CDH12: variants seen among roughly 807,000 people sequenced by gnomAD.
CDH12 encodes the protein cadherin-12.
CDH12 carries 41 observed loss-of-function variants against 74.1 expected under a neutral mutation model. The ratio of observed to expected loss-of-function variants is 0.55; its 90% CI spans 0.43 to 0.72. CDH12 has a LOEUF of 0.72. Ranked by LOEUF, CDH12 falls within the 30% of genes least tolerant of loss-of-function variation. The pLI is 0.00. For missense variants in CDH12, 945 were observed against 977.2 expected, an observed-to-expected ratio of 0.97 and a Z score of 0.44; for synonymous variants, 399 against 355.0, an observed-to-expected ratio of 1.12 and a Z score of -1.39.
At chr5:21,801,030 A>G (rs1747083128) in intron 10 of CDH12, among the ~76,000 whole-genome samples, 1 of 152,200 alleles carries the variant, frequency 6.6e-6, no homozygotes, top group Admixed American at 6.5e-5. Context: ...ACGAACTAAT[A>G]CATCCAGTAT....
intron 3 of CDH12, among the ~76,000 whole-genome samples, chr5:22,331,428 G>C (rs1739347601): frequency 1.3e-5 from 2 of 152,148 alleles, no homozygotes; most frequent in South Asian, 4.1e-4. Flanking sequence ...GTCTCTGCCT[G>C]GTAATCCATG....
chr5:22,239,796 G>C (rs1752684818), intron 3 of CDH12, among the ~76,000 whole-genome samples: 1 of 152,174 alleles, frequency 6.6e-6, no homozygotes, highest in African/African-American at 2.4e-5. Context: ...TGTTGAGCTA[G>C]TTGGTATAAG....
chr5:22,620,246 T>C (rs1737906004), intron 1 of CDH12, among the ~76,000 whole-genome samples: 1 of 152,018 alleles, frequency 6.6e-6, no homozygotes, highest in Non-Finnish European at 1.5e-5. Flanking sequence ...ATATTAAATA[T>C]TGAAATATAA....
intron 1 of CDH12, among the ~76,000 whole-genome samples, chr5:22,652,061 A>T (rs925212270): frequency 2.0e-5 from 3 of 152,138 alleles, no homozygotes; most frequent in African/African-American, 7.2e-5. Context: ...TACTTCTAGG[A>T]TAGAATTCAT....
At chr5:21,945,984 GAAA>G (rs59874050) in intron 6 of CDH12, among the ~76,000 whole-genome samples, 9 of 146,590 alleles carry the variant, frequency 6.1e-5, no homozygotes, top group African/African-American at 2.2e-4. Context: ...TTCTGGAAAT[GAAA>G]AAAAAAAATT....
At chr5:21,906,392 A>G (rs772342822) in intron 6 of CDH12, among the ~76,000 whole-genome samples, 14 of 152,174 alleles carry the variant, frequency 9.2e-5, no homozygotes, top group Non-Finnish European at 1.9e-4. Context: ...ATATAGCAAC[A>G]CCTTATTAGC....
In CDH12 at chr5:22,110,406, G is replaced by C. The variant is rs79686212; in HGVS notation, c.-186-31544C>G. Among the ~76,000 whole-genome samples the C allele has an allele frequency of 5.3e-3, 800 of 152,002 alleles. 7 individuals carry two copies. Among genetic ancestry groups the C allele is most frequent in the African/African-American group, 0.018 (754 of 41,460 alleles). On this transcript the variant is annotated intron_variant, in intron 4 of 14. Coordinates refer to ENST00000382254, the MANE Select transcript of CDH12 (RefSeq NM_004061.5). Reference sequence around the variant, plus strand: ...CCAGGTACGCTACATGGGAGACAGGGGTAGTACTCAAATCAATCTCCCCAA... The same window carrying C: ...CCAGGTACGCTACATGGGAGACAGGCGTAGTACTCAAATCAATCTCCCCAA...
intron 11 of CDH12, 49 bp downstream of exon 11, chr5:21,783,309 A>C: frequency 6.5e-7 from 1 of 1,547,438 alleles, no homozygotes; most frequent in Non-Finnish European, 8.8e-7. Flanking sequence ...AAGAGTCTTA[A>C]ATCCAAAGAA....
chr5:21,918,397 G>A (rs1311464669), intron 6 of CDH12, among the ~76,000 whole-genome samples: 2 of 151,466 alleles, frequency 1.3e-5, no homozygotes, highest in Non-Finnish European at 2.9e-5. Flanking sequence ...TTTCAGCAAA[G>A]CATTTGTATT....
chr5:22,610,003 C>T (rs1372444023), intron 1 of CDH12, among the ~76,000 whole-genome samples: 1 of 152,260 alleles, frequency 6.6e-6, no homozygotes, highest in Non-Finnish European at 1.5e-5. Context: ...TTGCTGCTTA[C>T]TAATTTCATT....
At chr5:22,427,704 G>T (rs1332867516) in intron 2 of CDH12, among the ~76,000 whole-genome samples, 1 of 152,072 alleles carries the variant, frequency 6.6e-6, no homozygotes, top group Admixed American at 6.6e-5. Flanking sequence ...GGTTAAAAAA[G>T]GTTGCTAGAT....
chr5:21,819,841 G>A (rs1460638254), intron 8 of CDH12, among the ~76,000 whole-genome samples: 1 of 151,908 alleles, frequency 6.6e-6, no homozygotes, highest in Non-Finnish European at 1.5e-5. Context: ...AGAAATTTAG[G>A]AACACATGTG....
At chr5:21,814,668 CATAA>C (rs1747944204) in intron 9 of CDH12, among the ~76,000 whole-genome samples, 2 of 150,154 alleles carry the variant, frequency 1.3e-5, no homozygotes, top group African/African-American at 4.9e-5. Context: ...AGTATATAAA[CATAA>C]ATATATATAA....
At chr5:22,683,611 A>C (rs956099238) in intron 1 of CDH12, among the ~76,000 whole-genome samples, 39 of 152,160 alleles carry the variant, frequency 2.6e-4, no homozygotes, top group Admixed American at 2.0e-3. Context: ...TTTCTCAAAC[A>C]AGTAAAAGCA....
chr5:21,921,764 T>G (rs541668145), intron 6 of CDH12, among the ~76,000 whole-genome samples: 11 of 152,340 alleles, frequency 7.2e-5, no homozygotes, highest in African/African-American at 1.9e-4. Flanking sequence ...TTCTACTGAC[T>G]TGAAAATGAA....
intron 5 of CDH12, among the ~76,000 whole-genome samples, chr5:22,021,240 G>C (rs553824792): frequency 1.2e-3 from 190 of 152,212 alleles, no homozygotes; most frequent in African/African-American, 4.5e-3. Context: ...ACTTATGTTT[G>C]GAATTTTTCA....
In CDH12 at chr5:21,926,791, G is replaced by T. The variant is rs377081711; in HGVS notation, c.526+48300C>A. Among the ~76,000 whole-genome samples, 6 of 152,262 alleles carry T rather than the reference G, an allele frequency of 3.9e-5. No individual in the cohort carries two copies. The South Asian group carries it at 1.0e-3, about 26-fold the overall frequency. On this transcript the variant is annotated intron_variant, in intron 6 of 14. Transcript: ENST00000382254. ...AGCTGTAGGAGCGGGAGTGAAGGCC[G>T]AGTGCATGCAGGTAGAACTGTGTAC...
intron 1 of CDH12, among the ~76,000 whole-genome samples, chr5:22,837,652 G>A (rs756420585): frequency 6.6e-6 from 1 of 152,286 alleles, no homozygotes; most frequent in South Asian, 2.1e-4. Context: ...ATGAATTGAA[G>A]TGTTGAACAT....
chr5:21,888,910 C>T (rs1175290448), intron 6 of CDH12, among the ~76,000 whole-genome samples: 1 of 151,956 alleles, frequency 6.6e-6, no homozygotes, highest in African/African-American at 2.4e-5. Flanking sequence ...AAGCTTCTAT[C>T]ATTATAGATA....
Sources: gnomAD v4.1 joint callset for allele counts (sites outside exome capture counted in the v4.1 genomes callset) on GRCh38, gnomAD v4.1.1 for gene constraint, MANE v1.5 for transcripts, NCBI Gene and HGNC (gene_info 2026-07-23, HGNC 2026-07-21) for gene names.